WDFY4: variants seen among roughly 807,000 people sequenced by gnomAD.
WDFY4 encodes the protein WDFY family member 4.
Under a neutral mutation model 351.9 loss-of-function variants are expected in WDFY4, and 169 were observed. The ratio of observed to expected loss-of-function variants is 0.48; its 90% CI spans 0.42 to 0.55. WDFY4 has a LOEUF of 0.55. WDFY4 is among the 20% of genes least tolerant of loss of function. WDFY4 has a pLI of 0.00. For missense variants in WDFY4, 3,803 were observed against 3,935.6 expected, an observed-to-expected ratio of 0.97 and a Z score of 0.90; for synonymous variants, 1,622 against 1,574.6, an observed-to-expected ratio of 1.03 and a Z score of -0.71.
intron 57 of WDFY4, among the ~76,000 whole-genome samples, chr10:48,974,617 T>C (rs1842486716): frequency 6.7e-6 from 1 of 148,584 alleles, no homozygotes; most frequent in South Asian, 2.2e-4. Flanking sequence ...GGTTGGGTTA[T>C]AAGTAAAAAA....
At chr10:48,890,462 G>A (rs971991195) in intron 43 of WDFY4, 117 bp from the exon 44 acceptor site, 8 of 1,254,190 alleles carry the variant, frequency 6.4e-6, no homozygotes, top group African/African-American at 4.4e-5. Flanking sequence ...TTCATACAAG[G>A]CACTGCTCTC....
intron 47 of WDFY4, among the ~76,000 whole-genome samples, chr10:48,922,565 G>A (rs935437441): frequency 9.2e-5 from 14 of 152,050 alleles, no homozygotes; most frequent in Non-Finnish European, 1.9e-4. Flanking sequence ...CATCTCTTAC[G>A]GTGCCTAACT....
chr10:48,931,269 G>A (rs1839986904), intron 47 of WDFY4, among the ~76,000 whole-genome samples: 1 of 152,224 alleles, frequency 6.6e-6, no homozygotes, highest in Non-Finnish European at 1.5e-5. Context: ...TGGGCAGCAG[G>A]TGGAGAGTCT....
At chr10:48,726,170 G>C in intron 6 of WDFY4, 100 bp downstream of exon 6, 2 of 1,348,984 alleles carry the variant, frequency 1.5e-6, no homozygotes, top group Non-Finnish European at 2.0e-6. Context: ...TGAGACTTGG[G>C]ATGCTCTTGC....
chr10:48,844,116 T>C (rs1482068722), intron 39 of WDFY4, among the ~76,000 whole-genome samples: 1 of 152,186 alleles, frequency 6.6e-6, no homozygotes, highest in Non-Finnish European at 1.5e-5. Flanking sequence ...CTGGGACCCA[T>C]CTATTATGAG....
intron 47 of WDFY4, among the ~76,000 whole-genome samples, chr10:48,925,140 T>A (rs1839464019): frequency 1.3e-5 from 2 of 152,294 alleles, no homozygotes; most frequent in Non-Finnish European, 2.9e-5. Flanking sequence ...AACAACTCAC[T>A]CATTCAAAGG....
rs1253889183 is a variant in WDFY4 at position 48,959,572 on chromosome 10, G to A, written c.8132-150G>A. The A allele has an allele frequency of 9.7e-6, 7 of 723,794 alleles. No homozygotes were observed. The African/African-American group carries it at 1.3e-4, about 13-fold the overall frequency. The allele number at this position is 723,794 out of a possible 1,614,324, so 44.8% of individuals were successfully genotyped here. A position where few individuals can be genotyped will look rare whatever the true frequency, so the allele number is the denominator to read the frequency against. On this transcript the variant is annotated intron_variant, in intron 52 of 61. Transcript: ENST00000325239. ...ATGCTGAGGGGTCATTCCAGGCAGAGAAGATTGAAAGCAGCATGGTCTGCA... is the reference window on the plus strand; with the variant it reads ...ATGCTGAGGGGTCATTCCAGGCAGAAAAGATTGAAAGCAGCATGGTCTGCA...
chr10:48,885,037 T>C (rs866226833), intron 43 of WDFY4, among the ~76,000 whole-genome samples: 3 of 152,234 alleles, frequency 2.0e-5, no homozygotes, highest in Admixed American at 6.5e-5. Context: ...GATGAGTGAA[T>C]TATGGGCAAT....
At chr10:48,915,623 A>G (rs1347331099) in intron 47 of WDFY4, among the ~76,000 whole-genome samples, 1 of 152,106 alleles carries the variant, frequency 6.6e-6, no homozygotes, top group Non-Finnish European at 1.5e-5. Context: ...ATATAGTTGT[A>G]TGTTTTCCTC....
intron 40 of WDFY4, among the ~76,000 whole-genome samples, chr10:48,869,870 C>T (rs2069696194): frequency 6.6e-6 from 1 of 152,194 alleles, no homozygotes; most frequent in Non-Finnish European, 1.5e-5. Flanking sequence ...TCTATCTACT[C>T]ATCGAGTATT....
chr10:48,969,143 G>A lies in WDFY4; in HGVS notation c.8664G>A (p.Leu2888=), dbSNP rs1842222395. The change falls in exon 56 of 62, where the codon CTG becomes CTA. Residue 2888 remains leucine (L), a synonymous_variant. Coordinates refer to ENST00000325239, the MANE Select transcript of WDFY4 (RefSeq NM_001394531.1). ...TTGTCTCTACTGAGAAGACCATTCT[G>A]GCTGTAGAGAGGAACAAAGTGCTGC... ...GHIVSTEKTI[L]AVERNKVLLP... 6.4e-7 allele frequency: 1 copy of A among 1,551,656 alleles called. No homozygotes were observed. Among genetic ancestry groups the A allele is most frequent in the African/African-American group, 1.4e-5 (1 of 73,050 alleles).
At chr10:48,935,096 A>G (rs1194417883) in intron 47 of WDFY4, 2 of 152,272 alleles carry the variant, frequency 1.3e-5, no homozygotes, top group African/African-American at 4.8e-5. Context: ...GGAGAAAGAG[A>G]AAAAGTAGAG....
chr10:48,788,778 G>A, intron 21 of WDFY4, 103 bp downstream of exon 21: 3 of 1,410,384 alleles, frequency 2.1e-6, no homozygotes, highest in South Asian at 1.4e-5. Flanking sequence ...TTGCACTTGT[G>A]TAGATGGATA....
Position 48,803,354 on chromosome 10 carries a change from A to T in WDFY4, c.4479A>T (p.Ser1493=). ...LFSHLLEILQ[S]PREGPRNAEA... ...CCCATCTTTTGGAAATCCTTCAATC[A>T]CCAAGGTAGGCTGGGTCTTGGCAGC... Residue 1493 remains serine (S), a synonymous_variant, in exon 25 of 62, where the codon TCA becomes TCT. Coordinates refer to ENST00000325239, the MANE Select transcript of WDFY4 (RefSeq NM_001394531.1). 6.4e-7 allele frequency: 1 copy of T among 1,551,896 alleles called. No individual in the cohort carries two copies. The highest frequency in any genetic ancestry group is 8.7e-7 in the Non-Finnish European group (1 of 1,147,038).
At position 48,899,899 on chromosome 10, in the gene WDFY4, T is replaced by C. The variant is rs150379034; in HGVS notation, c.7438-322T>C. Among the ~76,000 whole-genome samples, 1,246 of 152,274 alleles carry C rather than the reference T, an allele frequency of 8.2e-3. 7 individuals carry two copies. Among genetic ancestry groups the C allele is most frequent in the Non-Finnish European group, 0.014 (928 of 68,026 alleles). On this transcript the variant is annotated intron_variant, in intron 45 of 61. Transcript: ENST00000325239. ...TTGACCCCCTGGCTCACCCATGCCA[T>C]AACTCAGAAGTGAAAAAGTCTGAGG...
chr10:48,957,173 G>A lies in WDFY4; in HGVS notation c.8022G>A (p.Lys2674=), dbSNP rs562153953. 13 of 1,551,694 alleles carry A rather than the reference G, an allele frequency of 8.4e-6. No individual in the cohort carries two copies. In the East Asian group the frequency reaches 2.7e-4, roughly 32 times the overall value. Residue 2674 remains lysine, a synonymous_variant, in exon 52 of 62, where the codon AAG becomes AAA. Transcript: ENST00000325239. Reference sequence around the variant, plus strand: ...CAGACAGAATGTTCCACAGTGTGAAGAGCACGTGGGAGTCGGCCTCCAGAG... The same window carrying A: ...CAGACAGAATGTTCCACAGTGTGAAAAGCACGTGGGAGTCGGCCTCCAGAG... ...DVADRMFHSV[K]STWESASREN...
intron 52 of WDFY4, 56 bp downstream of exon 52, chr10:48,957,338 C>T: frequency 1.3e-6 from 2 of 1,532,920 alleles, no homozygotes; most frequent in Admixed American, 3.9e-5. Flanking sequence ...CTCTTTCCCA[C>T]AGCCCCTGGG....
rs1565199187 is a variant in WDFY4, at chr10:48,787,948, CTT to C, written c.3809-581_3809-580del. Among the ~76,000 whole-genome samples the C allele has an allele frequency of 4.6e-3, 499 of 107,844 alleles. 13 individuals are homozygous for C. The highest frequency in any genetic ancestry group is 0.015 in the Admixed American group (139 of 9,192). The allele number at this position is 107,844 out of a possible 152,430, so 70.7% of individuals were successfully genotyped here. On this transcript the variant is annotated intron_variant, in intron 20 of 61. Coordinates refer to ENST00000325239, the MANE Select transcript of WDFY4 (RefSeq NM_001394531.1). ...TCTTCTTCTTCTTCTTCTTCTTCTT[CTT>C]CTTCTTCTTCTTCTTCTTCTTCTTC...
Position 48,790,254 on chromosome 10 carries a change from G to C in WDFY4, c.4066+269G>C, listed in dbSNP as rs997155433. ...GTGACGACAGGAAGCTGTCTATCTA[G>C]TGAGTACAGTGGGGCTTTTAAGCAG... is the stretch of plus-strand genomic sequence containing the variant. On this transcript the variant is annotated intron_variant, in intron 22 of 61. Coordinates refer to ENST00000325239, the MANE Select transcript of WDFY4 (RefSeq NM_001394531.1). 2.7e-4 allele frequency among the ~76,000 whole-genome samples: 41 copies of C among 152,260 alleles called. 2 individuals are homozygous for C.
Sources: allele counts gnomAD v4.1 joint callset (sites outside exome capture counted in the v4.1 genomes callset), GRCh38; gene constraint gnomAD v4.1.1; transcripts MANE v1.5; gene names NCBI Gene and HGNC (gene_info 2026-07-23, HGNC 2026-07-21).